Variants in CD46 observed in about 807,000 individuals in gnomAD.
CD46 encodes membrane cofactor protein.
A neutral mutation model predicts 53.3 loss-of-function variants in CD46; 30 were observed. That is an observed-to-expected ratio of 0.56 (90% CI 0.42 to 0.76). The LOEUF (loss-of-function observed/expected upper bound fraction) is 0.76. Among genes scored for constraint, CD46 ranks in the 30% least tolerant of loss-of-function variants. The probability of loss-of-function intolerance (pLI) is 0.00; values close to 1 mark genes in which losing one functional copy is unlikely to be tolerated. For missense variants in CD46, 409 were observed against 463.0 expected (o/e 0.88, Z 1.07); for synonymous variants, 142 against 152.0 (o/e 0.93, Z 0.48).
At position 207,757,624 on chromosome 1, in the gene CD46, A is replaced by T. The variant is rs750114717; in HGVS notation, c.371A>T (p.His124Leu). The part of the protein sequence containing the change: ...NGTYEFGYQM[H>L]FICNEGYYLI... ...ACTTACGAGTTTGGTTATCAGATGC[A>T]CTTTATTTGTAATGAGGGGTAAGTT... The change falls in exon 3 of 13, where the codon CAC becomes CTC. Residue 124 changes from histidine to leucine, a missense_variant. Transcript: ENST00000367042. The T allele has an allele frequency of 2.5e-6, 4 of 1,607,166 alleles. No homozygotes were observed. The highest frequency in any genetic ancestry group is 1.7e-6 in the Non-Finnish European group (2 of 1,174,900).
At chr1:207,767,305 A>G in intron 6 of CD46, 110 bp downstream of exon 6, 1 of 970,650 alleles carries the variant, frequency 1.0e-6, no homozygotes, top group Non-Finnish European at 1.7e-6. Context: ...CTGAAAAGAA[A>G]CAATTTTAGT....
rs568528193 is a variant in CD46, at chr1:207,768,795, C to A, written c.901+972C>A. Reference sequence around the variant, plus strand: ...ATTGTGGGTAGCACTTCAGTCTGGGCAGACTGTGCTTAGTTAACATCATTT... The same window carrying A: ...ATTGTGGGTAGCACTTCAGTCTGGGAAGACTGTGCTTAGTTAACATCATTT... On this transcript the variant is annotated intron_variant, in intron 7 of 12. Coordinates refer to ENST00000367042, the MANE Select transcript of CD46 (RefSeq NM_172351.3). 6 of 152,300 alleles carry A rather than the reference C, an allele frequency of 3.9e-5. No individual in the cohort carries two copies. The East Asian group carries it at 1.2e-3, about 29-fold the overall frequency. 9.4% of individuals were successfully genotyped at this position (152,300 alleles called of 1,614,324 possible). A position where few individuals can be genotyped will look rare whatever the true frequency, so the allele number is the denominator to read the frequency against.
intron 11 of CD46, among the ~76,000 whole-genome samples, chr1:207,788,107 C>T (rs1417030943): frequency 6.6e-6 from 1 of 152,056 alleles, no homozygotes; most frequent in African/African-American, 2.4e-5. Flanking sequence ...GCAAATTTTT[C>T]TAATATTTAA....
intron 8 of CD46, among the ~76,000 whole-genome samples, chr1:207,779,835 CA>C (rs984890029): frequency 5.4e-5 from 8 of 146,976 alleles, no homozygotes; most frequent in African/African-American, 2.0e-4. Flanking sequence ...TTGTATCATA[CA>C]TTGCATTCAT....
chr1:207,784,470 C>CA (rs1659081601), intron 9 of CD46, among the ~76,000 whole-genome samples: 1 of 152,144 alleles, frequency 6.6e-6, no homozygotes, highest in Admixed American at 6.5e-5. Context: ...TAGAGAAAAA[C>CA]AGTGAAAAAT....
chr1:207,756,331 C>T lies in CD46; in HGVS notation c.98-683C>T, dbSNP rs117875761. Among the ~76,000 whole-genome samples the T allele has an allele frequency of 1.4e-4, 22 of 152,340 alleles. No homozygotes were observed. In the East Asian group the frequency reaches 2.9e-3, roughly 20 times the overall value. ...AACAGACTCATCAGGAGTAAACACT[C>T]ACCATCATAAATTCAGACTTTCACG... is the stretch of plus-strand genomic sequence containing the variant. On this transcript the variant is annotated intron_variant, in intron 1 of 12. Coordinates refer to ENST00000367042, the MANE Select transcript of CD46 (RefSeq NM_172351.3).
intron 5 of CD46, among the ~76,000 whole-genome samples, chr1:207,765,516 T>A (rs142674964): frequency 6.6e-6 from 1 of 152,300 alleles, no homozygotes; most frequent in African/African-American, 2.4e-5. Flanking sequence ...TTCAGCATTA[T>A]ATTGGAGATC....
At chr1:207,792,505 G>C (rs1213638335) in intron 12 of CD46, among the ~76,000 whole-genome samples, 1 of 152,150 alleles carries the variant, frequency 6.6e-6, no homozygotes, top group Non-Finnish European at 1.5e-5. Flanking sequence ...GTCAGACCCT[G>C]GCGATGACCT....
chr1:207,789,032 G>C (rs1475107379), intron 11 of CD46, among the ~76,000 whole-genome samples: 1 of 152,026 alleles, frequency 6.6e-6, no homozygotes, highest in African/African-American at 2.4e-5. Context: ...ATACTTTTTA[G>C]TCTTGGAAGC....
At chr1:207,754,053 A>G (rs2102522598) in intron 1 of CD46, among the ~76,000 whole-genome samples, 1 of 152,356 alleles carries the variant, frequency 6.6e-6, no homozygotes, top group East Asian at 1.9e-4. Context: ...GGAACACAGT[A>G]GATAACCAAT....
intron 1 of CD46, among the ~76,000 whole-genome samples, chr1:207,753,847 T>C (rs896455150): frequency 1.3e-5 from 2 of 152,254 alleles, no homozygotes. Context: ...ATGTATAGTT[T>C]CTACGTTGCA....
chr1:207,787,486 A>G (rs971749872), intron 11 of CD46, among the ~76,000 whole-genome samples: 1 of 152,114 alleles, frequency 6.6e-6, no homozygotes, highest in African/African-American at 2.4e-5. Context: ...ATTTTTTTTT[A>G]AAGCCCATAT....
At chr1:207,774,673 T>C (rs1657899392) in intron 8 of CD46, among the ~76,000 whole-genome samples, 1 of 152,222 alleles carries the variant, frequency 6.6e-6, no homozygotes, top group Non-Finnish European at 1.5e-5. Context: ...AGATTCTGGG[T>C]TGAAAATTAT....
chr1:207,784,490 A>G (rs1659082173), intron 9 of CD46, among the ~76,000 whole-genome samples: 2 of 152,240 alleles, frequency 1.3e-5, no homozygotes, highest in African/African-American at 4.8e-5. Flanking sequence ...TGAGGTTCCC[A>G]TTAAGAGTTT....
At chr1:207,782,822 T>TG (rs1658898701) in intron 8 of CD46, among the ~76,000 whole-genome samples, 1 of 146,950 alleles carries the variant, frequency 6.8e-6, no homozygotes, top group Non-Finnish European at 1.5e-5. Context: ...TAATTTTTGT[T>TG]TTTTTTTTTT....
chr1:207,790,382 T>C, intron 12 of CD46, 37 bp downstream of exon 12: 1 of 1,073,998 alleles, frequency 9.3e-7, no homozygotes, highest in Non-Finnish European at 1.4e-6. Flanking sequence ...AGATGTCCTT[T>C]CTTTTGAAAA....
intron 5 of CD46, among the ~76,000 whole-genome samples, chr1:207,766,722 C>T (rs41317815): frequency 0.012 from 1,859 of 152,052 alleles, 18 homozygotes; most frequent in Non-Finnish European, 0.019. Flanking sequence ...AACAAAAACC[C>T]GTATTACATT....
chr1:207,763,532 C>T (rs1322483066), intron 5 of CD46, among the ~76,000 whole-genome samples: 4 of 152,170 alleles, frequency 2.6e-5, no homozygotes, highest in Non-Finnish European at 5.9e-5. Context: ...TCGTGTCTCT[C>T]GGAGACGGCG....
At chr1:207,787,509 G>T (rs1659381336) in intron 11 of CD46, among the ~76,000 whole-genome samples, 1 of 151,964 alleles carries the variant, frequency 6.6e-6, no homozygotes. Context: ...TACAGCATAG[G>T]GTCCAACTGA....
Sources: gnomAD v4.1 joint callset for allele counts (sites outside exome capture counted in the v4.1 genomes callset) on GRCh38, gnomAD v4.1.1 for gene constraint, MANE v1.5 for transcripts, NCBI Gene and HGNC (gene_info 2026-07-23, HGNC 2026-07-21) for gene names.